NPTXR: variants seen among roughly 807,000 people sequenced by gnomAD.
NPTXR encodes the protein neuronal pentraxin receptor.
NPTXR carries 12 observed loss-of-function variants against 32.2 expected under a neutral mutation model. The ratio of observed to expected loss-of-function variants is 0.37; its 90% confidence interval spans 0.24 to 0.60. NPTXR has a LOEUF of 0.60. Among genes scored for constraint, NPTXR ranks in the 20% least tolerant of loss-of-function variants. NPTXR has a pLI of 0.66. For synonymous variants in NPTXR, 323 were observed against 315.8 expected, an observed-to-expected ratio of 1.02 and a Z score of -0.24; for missense variants, 612 against 682.9, an observed-to-expected ratio of 0.90 and a Z score of 1.16.
Position 38,834,647 on chromosome 22 carries a change from G to A in NPTXR, c.625-6135C>T, listed in dbSNP as rs1475452853. On this transcript the variant is annotated intron_variant, in intron 1 of 4. Coordinates refer to ENST00000333039, the MANE Select transcript of NPTXR (RefSeq NM_014293.4). This position sits in a 1 kb window ranked among gnomAD's most constrained non-coding sequence, Gnocchi z 4.4. ...ATCCATCCATCCATCCATGTGTGCC[G>A]CAGCAACATGGCGTCGTAGTTGCAG... is the stretch of plus-strand genomic sequence containing the variant. 3.5e-5 allele frequency among the ~76,000 whole-genome samples: 5 copies of A among 142,216 alleles called. No individual in the cohort carries two copies. The highest frequency in any genetic ancestry group is 2.1e-4 in the Admixed American group (3 of 14,040). The allele number at this position is 142,216 out of a possible 152,430, so 93.3% of individuals were successfully genotyped here.
At position 38,843,440 on chromosome 22, in the gene NPTXR, T is replaced by G; in HGVS notation, c.419A>C (p.Gln140Pro). ...CTGGTCGGCGCGGATGCGCGCCTCC[T>G]GCTGCAGCGCCGTCTGGCGCAGCTG... is the stretch of plus-strand genomic sequence containing the variant. The change falls in exon 1 of 5, where the codon CAG (glutamine) becomes CCG (proline). Residue 140 changes from glutamine (Q) to proline (P), a missense_variant. Transcript: ENST00000333039. The surrounding 1 kb of genome is among the most constrained non-coding windows in gnomAD (Gnocchi z 5.3). The G allele has an allele frequency of 7.2e-7, 1 of 1,382,796 alleles. No homozygotes were observed. Among genetic ancestry groups the G allele is most frequent in the Non-Finnish European group, 9.3e-7 (1 of 1,074,892 alleles). The allele number at this position is 1,382,796 out of a possible 1,614,324, so 85.7% of individuals were successfully genotyped here.
chr22:38,843,662 C>A lies in NPTXR; in HGVS notation c.197G>T (p.Gly66Val). The change falls in exon 1 of 5, where the codon GGC becomes GTC. Residue 66 changes from glycine to valine, a missense_variant. Physicochemically the swap from Gly to Val is moderately radical, Grantham distance 109. Transcript: ENST00000333039. The surrounding 1 kb of genome is among the most constrained non-coding windows in gnomAD (Gnocchi z 5.3). ...CAGCGCGGGGGGCCCGGCTGAACCG[C>A]CCGCGCCGTGCAGCGCGCTCAGGCT... 3 of 1,029,548 alleles carry A rather than the reference C, an allele frequency of 2.9e-6. No homozygotes were observed. The highest frequency in any genetic ancestry group is 1.7e-5 in the African/African-American group (1 of 57,746). 63.8% of individuals were successfully genotyped at this position (1,029,548 alleles called of 1,614,324 possible).
chr22:38,828,139 CA>C (rs1210371495), intron 2 of NPTXR, 147 bp downstream of exon 2: 3 of 638,280 alleles, frequency 4.7e-6, no homozygotes, highest in Non-Finnish European at 8.3e-6. Context: ...CAATATCCCC[CA>C]ATGATTCTCT....
intron 1 of NPTXR, among the ~76,000 whole-genome samples, chr22:38,833,199 T>C (rs2093118985): frequency 6.6e-6 from 1 of 152,162 alleles, no homozygotes; most frequent in African/African-American, 2.4e-5. Flanking sequence ...CAGGTAGTGG[T>C]ACTCCCAGCT....
chr22:38,843,723 C>A lies in NPTXR; in HGVS notation c.136G>T (p.Ala46Ser). 5 of 993,856 alleles carry A rather than the reference C, an allele frequency of 5.0e-6. No homozygotes were observed. The highest frequency in any genetic ancestry group is 6.0e-6 in the Non-Finnish European group (5 of 837,298). 61.6% of individuals were successfully genotyped at this position (993,856 alleles called of 1,614,324 possible). Residue 46 changes from alanine to serine, a missense_variant, in exon 1 of 5, where the codon GCC becomes TCC. Transcript: ENST00000333039. The surrounding 1 kb of genome is among the most constrained non-coding windows in gnomAD (Gnocchi z 5.3). ...CCCGGGGACGCGGCGGCGCCCGAGG[C>A]GACCGAAGCATTGTCGGCGCCGCCG... is the stretch of plus-strand genomic sequence containing the variant.
chr22:38,824,179 G>A (rs1021497234), intron 3 of NPTXR, among the ~76,000 whole-genome samples: 8 of 149,846 alleles, frequency 5.3e-5, no homozygotes, highest in Admixed American at 3.3e-4. Flanking sequence ...TAGTAGAAAC[G>A]GCGGGATTTC....
intron 1 of NPTXR, among the ~76,000 whole-genome samples, chr22:38,842,619 C>T (rs956111999): frequency 6.6e-5 from 10 of 152,188 alleles, no homozygotes; most frequent in African/African-American, 2.4e-4. Context: ...CTGTGGGCTT[C>T]CAGGTGTGTG....
Position 38,843,501 on chromosome 22 carries a change from G to T in NPTXR, c.358C>A (p.Arg120Ser). ...CTCTGCAGCAGCAGCAGCTCTTCGC[G>T]CTCGCCCGGCGCAGCGCCCGCCGCG... is the stretch of plus-strand genomic sequence containing the variant. Residue 120 changes from arginine (R) to serine (S), a missense_variant, in exon 1 of 5, where the codon CGC (arginine) becomes AGC (serine). Physicochemically the swap from Arg to Ser is moderately radical, Grantham distance 110. Transcript: ENST00000333039. This position sits in a 1 kb window ranked among gnomAD's most constrained non-coding sequence, Gnocchi z 5.3. 6 of 1,285,856 alleles carry T rather than the reference G, an allele frequency of 4.7e-6. No individual in the cohort carries two copies. The highest frequency in any genetic ancestry group is 5.9e-6 in the Non-Finnish European group (6 of 1,018,640). 79.7% of individuals were successfully genotyped at this position (1,285,856 alleles called of 1,614,324 possible).
rs139377592 is a variant in NPTXR at position 38,838,573 on chromosome 22, ATTTTTTTTTTTT to A, written c.624+4650_624+4661del. 2.2e-4 allele frequency among the ~76,000 whole-genome samples: 18 copies of A among 83,204 alleles called. No homozygotes were observed. The South Asian group carries it at 3.5e-3, about 16-fold the overall frequency. 54.6% of individuals were successfully genotyped at this position (83,204 alleles called of 152,430 possible). A position where few individuals can be genotyped will look rare whatever the true frequency, so the allele number is the denominator to read the frequency against. ...GCACAGGCACCGCCCTCACCTGGCTATTTTTTTTTTTTTTTTTTTTTTTTTTGAGATGGAGTC... is the reference window on the plus strand; with the variant it reads ...GCACAGGCACCGCCCTCACCTGGCTATTTTTTTTTTTTTTGAGATGGAGTC... On this transcript the variant is annotated intron_variant, in intron 1 of 4. Transcript: ENST00000333039.
chr22:38,832,171 G>T (rs1019329490), intron 1 of NPTXR, among the ~76,000 whole-genome samples: 9 of 152,216 alleles, frequency 5.9e-5, no homozygotes, highest in African/African-American at 2.2e-4. Flanking sequence ...GGCCAGGAAG[G>T]CCATGGAGGA....
In NPTXR at chr22:38,823,422, T is replaced by A. The variant is rs1322132681; in HGVS notation, c.1099-160A>T. Among the ~76,000 whole-genome samples, 3 of 152,250 alleles carry A rather than the reference T, an allele frequency of 2.0e-5. No individual in the cohort carries two copies. In the East Asian group the frequency reaches 5.8e-4, roughly 29 times the overall value. On this transcript the variant is annotated intron_variant, in intron 3 of 4. Coordinates refer to ENST00000333039, the MANE Select transcript of NPTXR (RefSeq NM_014293.4). ...CTCCTGCCCAGTGTCTTTCCCTGAC[T>A]CCTGTCTCCTCTTTCCTCAAAGACC... is the stretch of plus-strand genomic sequence containing the variant.
Position 38,822,515 on chromosome 22 carries a change from A to G in NPTXR, c.*94T>C, listed in dbSNP as rs1004694671. 4.6e-6 allele frequency: 5 copies of G among 1,078,996 alleles called. No homozygotes were observed. The highest frequency in any genetic ancestry group is 5.5e-6 in the Non-Finnish European group (4 of 731,420). The allele number at this position is 1,078,996 out of a possible 1,614,324, so 66.8% of individuals were successfully genotyped here. Reference sequence around the variant, plus strand: ...CACAGCCAGGAGTGGGGCAGGAGGGAAGGCCAGTGCGTGGGCAGGCTGAGG... The same window carrying G: ...CACAGCCAGGAGTGGGGCAGGAGGGGAGGCCAGTGCGTGGGCAGGCTGAGG... On this transcript the variant is annotated 3_prime_UTR_variant, in exon 5 of 5. Transcript: ENST00000333039.
rs933875633 is a variant in NPTXR, at chr22:38,819,946, C to G, written c.*2663G>C. The G allele has an allele frequency of 6.6e-6, 1 of 152,640 alleles. No individual in the cohort carries two copies. The highest frequency in any genetic ancestry group is 1.5e-5 in the Non-Finnish European group (1 of 68,062). 9.5% of individuals were successfully genotyped at this position (152,640 alleles called of 1,614,324 possible). A position where few individuals can be genotyped will look rare whatever the true frequency, so the allele number is the denominator to read the frequency against. On this transcript the variant is annotated 3_prime_UTR_variant, in exon 5 of 5. Transcript: ENST00000333039. ...GCTTGGACGTCAGAGGTCTCATCTT[C>G]ACTGTGACAAAGCATAAAGGACTTG...
At position 38,843,092 on chromosome 22, in the gene NPTXR, T is replaced by TC. The variant is rs1374286966; in HGVS notation, c.624+142dup. 1.2e-5 allele frequency: 10 copies of TC among 864,194 alleles called. No individual in the cohort carries two copies. The highest frequency in any genetic ancestry group is 5.3e-5 in the African/African-American group (3 of 56,376). 53.5% of individuals were successfully genotyped at this position (864,194 alleles called of 1,614,324 possible). On this transcript the variant is annotated intron_variant, in intron 1 of 4. Coordinates refer to ENST00000333039, the MANE Select transcript of NPTXR (RefSeq NM_014293.4). The surrounding 1 kb of genome is among the most constrained non-coding windows in gnomAD (Gnocchi z 5.3). ...CGCCTGCCCGCGTTCCCTATCGAAATCCCCCCGCCTCGCCAGCGAGGAAGG... is the reference window on the plus strand; with the variant it reads ...CGCCTGCCCGCGTTCCCTATCGAAATCCCCCCCGCCTCGCCAGCGAGGAAGG...
intron 1 of NPTXR, among the ~76,000 whole-genome samples, chr22:38,829,900 G>A (rs1354297593): frequency 6.6e-6 from 1 of 152,224 alleles, no homozygotes; most frequent in Non-Finnish European, 1.5e-5. Context: ...AGCCTCACTG[G>A]CCCAGCCAAT....
chr22:38,839,834 G>A (rs2093129477), intron 1 of NPTXR, among the ~76,000 whole-genome samples: 1 of 152,178 alleles, frequency 6.6e-6, no homozygotes, highest in Admixed American at 6.5e-5. Flanking sequence ...AGTAACAGGA[G>A]CCAGTCAAGT....
At chr22:38,840,950 G>A (rs562492423) in intron 1 of NPTXR, among the ~76,000 whole-genome samples, 2 of 152,302 alleles carry the variant, frequency 1.3e-5, no homozygotes, top group East Asian at 3.9e-4. Context: ...GTGTCAGAGA[G>A]GGTTCCCCCA....
At position 38,843,651 on chromosome 22, in the gene NPTXR, C is replaced by A; in HGVS notation, c.208G>T (p.Gly70Trp). Reference sequence around the variant, plus strand: ...GGTGCCCCGGGCAGCGCGGGGGGCCCGGCTGAACCGCCCGCGCCGTGCAGC... The same window carrying A: ...GGTGCCCCGGGCAGCGCGGGGGGCCAGGCTGAACCGCCCGCGCCGTGCAGC... The change falls in exon 1 of 5, where the codon GGG (glycine) becomes TGG (tryptophan). Residue 70 changes from glycine to tryptophan, a missense_variant. Gly to Trp is a radical substitution (Grantham distance 184). Transcript: ENST00000333039. The surrounding 1 kb of genome is among the most constrained non-coding windows in gnomAD (Gnocchi z 5.3). 1 of 1,050,732 alleles carries A rather than the reference C, an allele frequency of 9.5e-7. No individual in the cohort carries two copies. The highest frequency in any genetic ancestry group is 1.1e-6 in the Non-Finnish European group (1 of 874,808). 65.1% of individuals were successfully genotyped at this position (1,050,732 alleles called of 1,614,324 possible). A position where few individuals can be genotyped will look rare whatever the true frequency, so the allele number is the denominator to read the frequency against.
chr22:38,843,718 C>G lies in NPTXR; in HGVS notation c.141G>C (p.Ser47=), dbSNP rs1167656618. Residue 47 remains serine (S), a synonymous_variant, in exon 1 of 5, where the codon TCG becomes TCC. Transcript: ENST00000333039. The surrounding 1 kb of genome is among the most constrained non-coding windows in gnomAD (Gnocchi z 5.3). ...GCGGGCCCGGGGACGCGGCGGCGCC[C>G]GAGGCGACCGAAGCATTGTCGGCGC... 1.7e-5 allele frequency: 17 copies of G among 993,212 alleles called. No homozygotes were observed. Among genetic ancestry groups the G allele is most frequent in the Non-Finnish European group, 2.0e-5 (17 of 837,008 alleles). 61.5% of individuals were successfully genotyped at this position (993,212 alleles called of 1,614,324 possible).
Sources: allele counts gnomAD v4.1 joint callset (sites outside exome capture counted in the v4.1 genomes callset), GRCh38; gene constraint gnomAD v4.1.1; non-coding constraint Gnocchi (gnomAD v3.1); transcripts MANE v1.5; gene names NCBI Gene and HGNC (gene_info 2026-07-23, HGNC 2026-07-21).